Variants in MALRD1 observed in about 807,000 individuals in gnomAD.
MALRD1 encodes the protein MAM and LDL receptor class A domain containing 1.
In MALRD1, 247 loss-of-function variants were observed where a neutral mutation model predicts 242.1. That is an observed-to-expected ratio of 1.02 (90% confidence interval 0.92 to 1.13). The LOEUF is 1.13. MALRD1 is among the 50% of genes most tolerant of loss of function. MALRD1 has a pLI of 0.00. For synonymous variants in MALRD1, 995 were observed against 866.6 expected (o/e 1.15, Z -2.60); for missense variants, 2,989 against 2,533.1 (o/e 1.18, Z -3.86).
chr10:19,318,198 T>G (rs73593867), intron 21 of MALRD1, among the ~76,000 whole-genome samples: 1,715 of 152,140 alleles, frequency 0.011, 30 homozygotes, highest in African/African-American at 0.039. Context: ...ATGCAATTCT[T>G]CATTTTTCCA....
At chr10:19,344,769 C>T (rs1209532610) in intron 24 of MALRD1, among the ~76,000 whole-genome samples, 3 of 151,466 alleles carry the variant, frequency 2.0e-5, no homozygotes, top group Admixed American at 1.3e-4. Context: ...CAATCATGAG[C>T]ATAGTAGGTT....
At chr10:19,282,224 A>T (rs1453766167) in intron 20 of MALRD1, among the ~76,000 whole-genome samples, 1 of 152,186 alleles carries the variant, frequency 6.6e-6, no homozygotes, top group Non-Finnish European at 1.5e-5. Flanking sequence ...ATGTTTGTTT[A>T]GATTAACTAA....
chr10:19,428,027 T>A (rs992227714), intron 28 of MALRD1, among the ~76,000 whole-genome samples: 9 of 152,116 alleles, frequency 5.9e-5, no homozygotes, highest in Non-Finnish European at 1.3e-4. Context: ...ATACTTTGCC[T>A]TTCTTACCTG....
At position 19,159,358 on chromosome 10, in the gene MALRD1, G is replaced by GT. The variant is rs900185512; in HGVS notation, c.1656+4193dup. ...TTCTTTTCTCCCATTTATTTATTTT[G>GT]TTTTTTTGGCTATTCTTATCCTTCT... On this transcript the variant is annotated intron_variant, in intron 12 of 39. Coordinates refer to ENST00000454679, the MANE Select transcript of MALRD1 (RefSeq NM_001142308.3). Among the ~76,000 whole-genome samples the GT allele has an allele frequency of 4.6e-5, 7 of 151,552 alleles. No homozygotes were observed. The East Asian group carries it at 9.7e-4, about 21-fold the overall frequency.
chr10:19,539,138 C>T (rs1034742978), intron 32 of MALRD1, among the ~76,000 whole-genome samples: 4 of 152,114 alleles, frequency 2.6e-5, no homozygotes, highest in African/African-American at 7.2e-5. Context: ...CAGATGGTTA[C>T]GATATGCCAT....
At chr10:19,488,260 T>C (rs9663503) in intron 29 of MALRD1, among the ~76,000 whole-genome samples, 44,643 of 152,028 alleles carry the variant, frequency 0.29, 6,731 homozygotes, top group East Asian at 0.41. Context: ...TTTCTGAAAT[T>C]ATGATAACCA....
At chr10:19,616,435 A>G (rs1162839215) in intron 36 of MALRD1, among the ~76,000 whole-genome samples, 1 of 152,062 alleles carries the variant, frequency 6.6e-6, no homozygotes, top group African/African-American at 2.4e-5. Flanking sequence ...AAACAAAAAT[A>G]GGCGTTGTGA....
intron 5 of MALRD1, among the ~76,000 whole-genome samples, chr10:19,116,800 G>T (rs1836885054): frequency 6.6e-6 from 1 of 152,018 alleles, no homozygotes; most frequent in African/African-American, 2.4e-5. Context: ...AAGAATAAGA[G>T]AAAAAGAGTT....
At chr10:19,728,497 TG>T (rs1310003055) in intron 38 of MALRD1, 1 of 152,226 alleles carries the variant, frequency 6.6e-6, no homozygotes, top group African/African-American at 2.4e-5. Flanking sequence ...TCTTTTGTGT[TG>T]CTTCTGCCTC....
chr10:19,471,388 C>G (rs1217725626), intron 29 of MALRD1, among the ~76,000 whole-genome samples: 1 of 151,618 alleles, frequency 6.6e-6, no homozygotes, highest in Non-Finnish European at 1.5e-5. Flanking sequence ...CTTTATTTTT[C>G]TTGCTTGAGG....
chr10:19,306,831 C>G (rs1027615197), intron 21 of MALRD1, among the ~76,000 whole-genome samples: 1 of 151,256 alleles, frequency 6.6e-6, no homozygotes. Context: ...GGAAATGCCC[C>G]TTATAAAGCC....
intron 33 of MALRD1, among the ~76,000 whole-genome samples, chr10:19,575,975 T>C (rs570373647): frequency 1.8e-4 from 28 of 152,356 alleles, no homozygotes; most frequent in Middle Eastern, 3.4e-3. Context: ...CTTACCGTAA[T>C]AGCCCAAAGA....
intron 14 of MALRD1, among the ~76,000 whole-genome samples, chr10:19,187,278 A>T (rs1192313123): frequency 6.6e-6 from 1 of 152,040 alleles, no homozygotes; most frequent in Middle Eastern, 3.2e-3. Flanking sequence ...TACTATTTTT[A>T]GAAGGGATGT....
intron 21 of MALRD1, among the ~76,000 whole-genome samples, chr10:19,296,889 GT>G (rs1841729144): frequency 6.6e-6 from 1 of 151,546 alleles, no homozygotes; most frequent in Non-Finnish European, 1.5e-5. Context: ...GAATCAGTTT[GT>G]TTTTGTGTTT....
chr10:19,218,329 A>G (rs1033908547), intron 18 of MALRD1, among the ~76,000 whole-genome samples: 1 of 152,162 alleles, frequency 6.6e-6, no homozygotes, highest in Non-Finnish European at 1.5e-5. Context: ...AACCCTGAAT[A>G]TGCTAAGACG....
chr10:19,445,037 T>C (rs552115672), intron 28 of MALRD1, among the ~76,000 whole-genome samples: 78 of 152,354 alleles, frequency 5.1e-4, no homozygotes, highest in African/African-American at 1.8e-3. Context: ...CCTTGTTTTC[T>C]TGCTTCATTG....
At chr10:19,066,887 C>G in intron 2 of MALRD1, 28 bp downstream of exon 2, 2 of 1,231,092 alleles carry the variant, frequency 1.6e-6, no homozygotes, top group Non-Finnish European at 2.0e-6. Flanking sequence ...ATTTTCTCCC[C>G]TCTCTCCCTT....
chr10:19,400,018 A>G (rs1366688881), intron 28 of MALRD1, among the ~76,000 whole-genome samples: 1 of 152,192 alleles, frequency 6.6e-6, no homozygotes, highest in Non-Finnish European at 1.5e-5. Context: ...TTTCTTCTGC[A>G]AATACTGAGT....
rs183141972 is a variant in MALRD1 at position 19,146,915 on chromosome 10, C to G, written c.1558+571C>G. On this transcript the variant is annotated intron_variant, in intron 11 of 39. Coordinates refer to ENST00000454679, the MANE Select transcript of MALRD1 (RefSeq NM_001142308.3). Reference sequence around the variant, plus strand: ...GGTTTTCCAATAAGTGTCTGTGAAACTCCAATAAAACAGAAAGGGTTTGTT... The same window carrying G: ...GGTTTTCCAATAAGTGTCTGTGAAAGTCCAATAAAACAGAAAGGGTTTGTT... Among the ~76,000 whole-genome samples, 68 of 152,310 alleles carry G rather than the reference C, an allele frequency of 4.5e-4. 1 individual carries two copies. In the South Asian group the frequency reaches 0.012, roughly 26 times the overall value.
Sources: allele counts gnomAD v4.1 joint callset (sites outside exome capture counted in the v4.1 genomes callset), GRCh38; gene constraint gnomAD v4.1.1; transcripts MANE v1.5; gene names NCBI Gene and HGNC (gene_info 2026-07-23, HGNC 2026-07-21).